Variants in GTPBP10 observed in about 807,000 individuals in gnomAD.
The protein encoded by GTPBP10 is GTP-binding protein 10.
Under a neutral mutation model 44.8 loss-of-function variants are expected in GTPBP10, and 38 were observed. The observed-to-expected ratio is 0.85, with a 90% CI of 0.65 to 1.11. The LOEUF is 1.11. Among genes scored for constraint, GTPBP10 ranks in the 50% most tolerant of loss-of-function variants. The pLI, the probability that GTPBP10 is intolerant of heterozygous loss-of-function variation, is 0.00. For synonymous variants in GTPBP10, 152 were observed against 150.6 expected, an observed-to-expected ratio of 1.01 and a Z score of -0.07; for missense variants, 462 against 453.7, an observed-to-expected ratio of 1.02 and a Z score of -0.17.
intron 9 of GTPBP10, 138 bp downstream of exon 9, chr7:90,383,217 T>G (rs970948049): frequency 2.7e-5 from 13 of 484,116 alleles, no homozygotes; most frequent in Non-Finnish European, 4.1e-5. Context: ...AACATGTAAA[T>G]AACATTGTAA....
chr7:90,378,807 A>G (rs1796389029), intron 8 of GTPBP10, among the ~76,000 whole-genome samples: 1 of 151,900 alleles, frequency 6.6e-6, no homozygotes, highest in East Asian at 1.9e-4. Context: ...GGCTCAAGTG[A>G]TTCTCCTGCC....
intron 7 of GTPBP10, 143 bp from the exon 8 acceptor site, chr7:90,377,991 G>A (rs1299288218): frequency 6.3e-6 from 7 of 1,115,808 alleles, no homozygotes; most frequent in African/African-American, 3.2e-5. Flanking sequence ...CTCGATTTCT[G>A]TTACTTATTT....
At chr7:90,361,222 G>C (rs1471686513) in intron 4 of GTPBP10, among the ~76,000 whole-genome samples, 1 of 152,172 alleles carries the variant, frequency 6.6e-6, no homozygotes, top group Admixed American at 6.5e-5. Context: ...GGTTTTCAAA[G>C]GGAGTGCTTC....
chr7:90,372,482 C>CTTT (rs757973599), intron 5 of GTPBP10, among the ~76,000 whole-genome samples: 5 of 112,206 alleles, frequency 4.5e-5, no homozygotes, highest in South Asian at 3.0e-4. Flanking sequence ...GCTTGGCTAA[C>CTTT]TTTTTTTTTT....
At chr7:90,371,610 T>C (rs947618291) in intron 4 of GTPBP10, among the ~76,000 whole-genome samples, 2 of 152,146 alleles carry the variant, frequency 1.3e-5, no homozygotes, top group African/African-American at 4.8e-5. Flanking sequence ...AGCTTGAAAA[T>C]AGATTTGAGA....
chr7:90,353,174 T>G (rs1795827340), intron 2 of GTPBP10, 165 bp downstream of exon 2: 1 of 466,662 alleles, frequency 2.1e-6, no homozygotes, highest in Non-Finnish European at 3.8e-6. Context: ...AGACTGATAC[T>G]AAAGAATATT....
chr7:90,362,580 G>A lies in GTPBP10; in HGVS notation c.464+7350G>A, dbSNP rs150390854. ...ATGTGGTCAATTTTGGATTAAGTGC[G>A]GTGTGGTGCTGAGAAGAATGTATAT... On this transcript the variant is annotated intron_variant, in intron 4 of 9. Coordinates refer to ENST00000222511, the MANE Select transcript of GTPBP10 (RefSeq NM_033107.4). Among the ~76,000 whole-genome samples, 274 of 152,232 alleles carry A rather than the reference G, an allele frequency of 1.8e-3. 6 individuals carry two copies. In the East Asian group the frequency reaches 0.045, roughly 25 times the overall value.
chr7:90,354,965 C>T, intron 3 of GTPBP10, 121 bp from the exon 4 acceptor site: 2 of 555,290 alleles, frequency 3.6e-6, no homozygotes, highest in South Asian at 3.8e-5. Flanking sequence ...AATGATTTCA[C>T]TTACTAATCT....
At chr7:90,371,430 C>G (rs1796255179) in intron 4 of GTPBP10, among the ~76,000 whole-genome samples, 1 of 152,130 alleles carries the variant, frequency 6.6e-6, no homozygotes, top group South Asian at 2.1e-4. Flanking sequence ...AACATTAAGA[C>G]TCTATAAAAA....
Position 90,386,530 on chromosome 7 carries a change from G to A in GTPBP10, c.*1376G>A, listed in dbSNP as rs1796527211. On this transcript the variant is annotated 3_prime_UTR_variant, in exon 10 of 10. Coordinates refer to ENST00000222511, the MANE Select transcript of GTPBP10 (RefSeq NM_033107.4). ...CCACTTTCTTATTTTAGTAAAGAGAGAATAAATAGCAAGTGCAGGCCAGGC... is the reference window on the plus strand; with the variant it reads ...CCACTTTCTTATTTTAGTAAAGAGAAAATAAATAGCAAGTGCAGGCCAGGC... 6.6e-6 allele frequency: 1 copy of A among 152,018 alleles called. No homozygotes were observed. Among genetic ancestry groups the A allele is most frequent in the Non-Finnish European group, 1.5e-5 (1 of 68,002 alleles). The allele number at this position is 152,018 out of a possible 1,614,324, so 9.4% of individuals were successfully genotyped here. A position where few individuals can be genotyped will look rare whatever the true frequency, so the allele number is the denominator to read the frequency against.
intron 4 of GTPBP10, among the ~76,000 whole-genome samples, chr7:90,364,399 C>T (rs540927186): frequency 4.6e-5 from 7 of 152,296 alleles, no homozygotes; most frequent in African/African-American, 1.7e-4. Context: ...GCTGGAGGTC[C>T]ACTCCAGACC....
intron 4 of GTPBP10, among the ~76,000 whole-genome samples, chr7:90,367,488 G>A (rs1796158040): frequency 6.6e-6 from 1 of 152,128 alleles, no homozygotes; most frequent in African/African-American, 2.4e-5. Flanking sequence ...TACCTATTTA[G>A]GATAGTTAGC....
At chr7:90,375,758 G>A (rs936824246) in intron 6 of GTPBP10, among the ~76,000 whole-genome samples, 25 of 152,000 alleles carry the variant, frequency 1.6e-4, no homozygotes, top group African/African-American at 5.8e-4. Context: ...AAGGGATGTC[G>A]AGTACTGCCT....
At chr7:90,362,695 T>C (rs1056958633) in intron 4 of GTPBP10, among the ~76,000 whole-genome samples, 4 of 152,186 alleles carry the variant, frequency 2.6e-5, no homozygotes, top group African/African-American at 9.6e-5. Context: ...CCTGGTTAAC[T>C]TTCTGTCTTG....
Position 90,354,125 on chromosome 7 carries a change from C to T in GTPBP10, c.228-333C>T, listed in dbSNP as rs74298158. Among the ~76,000 whole-genome samples, 2,460 of 152,172 alleles carry T rather than the reference C, an allele frequency of 0.016. 159 individuals carry two copies. The East Asian group carries it at 0.19, about 12-fold the overall frequency. Reference sequence around the variant, plus strand: ...CTGAGATTACAGGCGTGAGCCACCACGCCTGGCTTTTTCTACCCTATTTGT... The same window carrying T: ...CTGAGATTACAGGCGTGAGCCACCATGCCTGGCTTTTTCTACCCTATTTGT... On this transcript the variant is annotated intron_variant, in intron 2 of 9. Transcript: ENST00000222511.
At position 90,387,938 on chromosome 7, in the gene GTPBP10, T is replaced by G. The variant is rs989903958; in HGVS notation, c.*2784T>G. 1.3e-5 allele frequency: 2 copies of G among 152,234 alleles called. No individual in the cohort carries two copies. Among genetic ancestry groups the G allele is most frequent in the Non-Finnish European group, 2.9e-5 (2 of 68,036 alleles). The allele number at this position is 152,234 out of a possible 1,614,324, so 9.4% of individuals were successfully genotyped here. ...AACAAGTATCAATGTAAGGACAGTTTCATCAGGTGAATATCAGAAGTACTG... is the reference window on the plus strand; with the variant it reads ...AACAAGTATCAATGTAAGGACAGTTGCATCAGGTGAATATCAGAAGTACTG... On this transcript the variant is annotated 3_prime_UTR_variant, in exon 10 of 10. Transcript: ENST00000222511.
rs975428761 is a variant in GTPBP10, at chr7:90,389,073, C to G, written c.*3919C>G. On this transcript the variant is annotated 3_prime_UTR_variant, in exon 10 of 10. Transcript: ENST00000222511. ...TAGGGCAACATTTTGTTTTAAAGAC[C>G]AAATAGTGAATTGAATTTAATGCAT... 2.0e-5 allele frequency: 3 copies of G among 152,050 alleles called. No individual in the cohort carries two copies. The highest frequency in any genetic ancestry group is 4.4e-5 in the Non-Finnish European group (3 of 68,006). 9.4% of individuals were successfully genotyped at this position (152,050 alleles called of 1,614,324 possible).
intron 4 of GTPBP10, among the ~76,000 whole-genome samples, chr7:90,366,704 T>C (rs1164272006): frequency 6.8e-6 from 1 of 147,146 alleles, no homozygotes; most frequent in African/African-American, 2.5e-5. Context: ...GGTCTATTTA[T>C]ATTGTAGATT....
At chr7:90,371,173 T>C (rs1376245441) in intron 4 of GTPBP10, 2 of 966,304 alleles carry the variant, frequency 2.1e-6, no homozygotes. Flanking sequence ...AAGAAAAAGT[T>C]GTCTATGAAT....
Sources: gnomAD v4.1 joint callset for allele counts (sites outside exome capture counted in the v4.1 genomes callset) on GRCh38, gnomAD v4.1.1 for gene constraint, MANE v1.5 for transcripts, NCBI Gene and HGNC (gene_info 2026-07-23, HGNC 2026-07-21) for gene names.